The following AKAP13 variants were observed in gnomAD, a reference collection of about 807,000 sequenced individuals.
AKAP13 encodes A-kinase anchor protein 13.
A neutral mutation model predicts 264.5 loss-of-function variants in AKAP13; 80 were observed. That is an observed-to-expected ratio of 0.30 (90% CI 0.25 to 0.36). The LOEUF (loss-of-function observed/expected upper bound fraction) is 0.36, where lower values mean the gene tolerates loss of function less well. Among genes scored for constraint, AKAP13 ranks in the 10% least tolerant of loss-of-function variants. The probability of loss-of-function intolerance (pLI) is 1.00; values close to 1 mark genes in which losing one functional copy is unlikely to be tolerated. For synonymous variants in AKAP13, 1,380 were observed against 1,250.2 expected (o/e 1.10, Z -2.19); for missense variants, 3,712 against 3,435.2 (o/e 1.08, Z -2.01).
At chr15:85,611,513 T>G (rs2080622396) in intron 8 of AKAP13, among the ~76,000 whole-genome samples, 1 of 151,086 alleles carries the variant, frequency 6.6e-6, no homozygotes, top group African/African-American at 2.5e-5. Flanking sequence ...GGACTCTCGG[T>G]TTCTTTTCTT....
At chr15:85,596,593 TAAAA>T (rs1209460850) in intron 8 of AKAP13, among the ~76,000 whole-genome samples, 3 of 151,924 alleles carry the variant, frequency 2.0e-5, no homozygotes, top group African/African-American at 7.3e-5. Context: ...CAAAATAAAA[TAAAA>T]AACCTAGTCA....
chr15:85,393,054 A>G (rs1168832958), intron 1 of AKAP13, among the ~76,000 whole-genome samples: 7 of 152,242 alleles, frequency 4.6e-5, no homozygotes, highest in Admixed American at 1.3e-4. Flanking sequence ...CTGTAAATTA[A>G]TCTATCATCC....
At chr15:85,649,569 C>T (rs116180053) in intron 10 of AKAP13, among the ~76,000 whole-genome samples, 30 of 152,294 alleles carry the variant, frequency 2.0e-4, no homozygotes, top group African/African-American at 6.7e-4. Flanking sequence ...AGGTCACTTC[C>T]TGCAGCCATT....
At chr15:85,504,691 CT>C (rs1420368605) in intron 2 of AKAP13, among the ~76,000 whole-genome samples, 2 of 59,472 alleles carry the variant, frequency 3.4e-5, no homozygotes, top group African/African-American at 5.8e-5. Context: ...AACACCCTGT[CT>C]CCAAAAAAAA....
chr15:85,598,111 T>G (rs765358655), intron 8 of AKAP13, among the ~76,000 whole-genome samples: 5 of 152,190 alleles, frequency 3.3e-5, no homozygotes, highest in Non-Finnish European at 7.4e-5. Flanking sequence ...TTCCTCCTTG[T>G]TTTGCTACCA....
rs1236731118 is a variant in AKAP13, at chr15:85,420,143, G to A, written c.-12+39345G>A. ...TTTTTAGTAGAGACGGGGTTTCACC[G>A]CTTTAGCCGGGATGGTCTCGATCTC... On this transcript the variant is annotated intron_variant, in intron 1 of 36. Coordinates refer to ENST00000394518, the MANE Select transcript of AKAP13 (RefSeq NM_007200.5). Among the ~76,000 whole-genome samples, 10 of 151,004 alleles carry A rather than the reference G, an allele frequency of 6.6e-5. No individual in the cohort carries two copies. In the East Asian group the frequency reaches 9.7e-4, roughly 15 times the overall value.
intron 3 of AKAP13, 58 bp from the exon 4 acceptor site, chr15:85,533,526 C>T (rs1006421017): frequency 1.0e-5 from 15 of 1,487,536 alleles, no homozygotes; most frequent in South Asian, 5.4e-5. Flanking sequence ...GATCCACTAG[C>T]GTCCTTTCAG....
At chr15:85,603,925 C>T (rs1596678462) in intron 8 of AKAP13, among the ~76,000 whole-genome samples, 2 of 152,268 alleles carry the variant, frequency 1.3e-5, no homozygotes, top group East Asian at 3.9e-4. Flanking sequence ...GGAGCTCTGC[C>T]GCCTCCTGCC....
At chr15:85,663,599 A>G (rs1375464813) in intron 12 of AKAP13, among the ~76,000 whole-genome samples, 1 of 152,230 alleles carries the variant, frequency 6.6e-6, no homozygotes, top group Non-Finnish European at 1.5e-5. Context: ...TAGCTTCAGT[A>G]TACCTTCAGA....
chr15:85,662,269 G>A, intron 12 of AKAP13: 2 of 931,108 alleles, frequency 2.1e-6, no homozygotes, highest in Admixed American at 4.4e-5. Flanking sequence ...TAAATTTTTT[G>A]TTGATCGCAT....
intron 9 of AKAP13, among the ~76,000 whole-genome samples, chr15:85,642,413 T>G (rs2082348543): frequency 6.6e-6 from 1 of 152,244 alleles, no homozygotes; most frequent in Non-Finnish European, 1.5e-5. Flanking sequence ...CACTTAGATA[T>G]GCCGCTCCCC....
intron 8 of AKAP13, among the ~76,000 whole-genome samples, chr15:85,630,649 C>T (rs557091856): frequency 5.9e-5 from 9 of 152,132 alleles, no homozygotes; most frequent in South Asian, 4.2e-4. Context: ...CCCAGCATGG[C>T]GAGCCTTACA....
rs2088337851 is a variant in AKAP13, at chr15:85,735,042, C to G, written c.7333C>G (p.Pro2445Ala). 1 of 1,614,212 alleles carries G rather than the reference C, an allele frequency of 6.2e-7. No homozygotes were observed. The highest frequency in any genetic ancestry group is 2.2e-5 in the East Asian group (1 of 44,888). The stretch of plus-strand genomic sequence containing the variant: ...TGGAAATCTGGGAGGCACACTTGGG[C>G]CGACTGTCAGCAGCCCCATTGAGCA... The part of the protein sequence containing the change: ...VSGNLGGTLG[P>A]TVSSPIEQDV... Residue 2445 changes from proline to alanine, a missense_variant, in exon 31 of 37, where the codon CCG (proline) becomes GCG (alanine). Coordinates refer to ENST00000394518, the MANE Select transcript of AKAP13 (RefSeq NM_007200.5).
At chr15:85,441,547 A>G (rs1181453672) in intron 1 of AKAP13, among the ~76,000 whole-genome samples, 3 of 152,018 alleles carry the variant, frequency 2.0e-5, no homozygotes, top group Non-Finnish European at 1.5e-5. Context: ...TGGATCATAC[A>G]TTTGTTGTCA....
At chr15:85,711,693 A>G (rs1247473489) in intron 19 of AKAP13, among the ~76,000 whole-genome samples, 2 of 152,226 alleles carry the variant, frequency 1.3e-5, no homozygotes, top group African/African-American at 4.8e-5. Context: ...AGCTGGCTCC[A>G]TGGGAGCCTC....
At chr15:85,717,206 A>G (rs769109366) in intron 20 of AKAP13, 84 bp from the exon 21 acceptor site, 8 of 823,190 alleles carry the variant, frequency 9.7e-6, no homozygotes, top group East Asian at 2.8e-5. Context: ...TTGTCATTCT[A>G]GAGTCTTCAG....
chr15:85,580,497 A>G lies in AKAP13; in HGVS notation c.2429A>G (p.Glu810Gly), dbSNP rs201020686. Residue 810 changes from glutamate to glycine, a missense_variant, in exon 7 of 37, where the codon GAA (glutamate) becomes GGA (glycine). Around this residue, in one of 3 missense-constraint regions of AKAP13, gnomAD observed 2,759 missense variants for 2,411.7 expected, o/e 1.14. Transcript: ENST00000394518. The part of the protein sequence containing the change: ...DALSFVPSQK[E>G]KGTATPELHT... ...CTTTCTTTTGTCCCCTCCCAGAAAG[A>G]AAAGGGAACAGCAACTCCTGAACTA... 95 of 1,614,086 alleles carry G rather than the reference A, an allele frequency of 5.9e-5. No individual in the cohort carries two copies. The highest frequency in any genetic ancestry group is 7.6e-5 in the Non-Finnish European group (90 of 1,180,044).
At chr15:85,645,782 T>TTG in intron 9 of AKAP13, 36 bp from the exon 10 acceptor site, 1 of 1,542,472 alleles carries the variant, frequency 6.5e-7, no homozygotes, top group Non-Finnish European at 8.7e-7. Context: ...TTTGTTTTTT[T>TTG]TTTTTCAATA....
chr15:85,580,018 A>G lies in AKAP13; in HGVS notation c.1950A>G (p.Ser650=), dbSNP rs868134256. The change falls in exon 7 of 37, where the codon TCA becomes TCG. Residue 650 remains serine (S), a synonymous_variant. Transcript: ENST00000394518. ...SHAQSQKGKS[S]PICSTTGDDK... is the part of the protein sequence containing the mutation. ...CTCAAAGCCAAAAGGGCAAATCCTC[A>G]CCCATTTGTTCTACAACTGGAGACG... is the stretch of plus-strand genomic sequence containing the variant. The G allele has an allele frequency of 6.2e-6, 10 of 1,614,122 alleles. No homozygotes were observed. Among genetic ancestry groups the G allele is most frequent in the Non-Finnish European group, 8.5e-6 (10 of 1,179,990 alleles).
Sources: allele counts gnomAD v4.1 joint callset (sites outside exome capture counted in the v4.1 genomes callset), GRCh38; gene constraint gnomAD v4.1.1; regional missense constraint gnomAD v4.1.1; transcripts MANE v1.5; gene names NCBI Gene and HGNC (gene_info 2026-07-23, HGNC 2026-07-21).